Variants in SDCCAG8 observed in about 807,000 individuals in gnomAD.
The protein encoded by SDCCAG8 is serologically defined colon cancer antigen 8.
Under a neutral mutation model 101.8 loss-of-function variants are expected in SDCCAG8, and 74 were observed. The observed-to-expected ratio is 0.73, with a 90% CI of 0.60 to 0.88. SDCCAG8 has a LOEUF of 0.88. SDCCAG8 is among the 40% of genes least tolerant of loss of function. SDCCAG8 has a pLI of 0.00. For synonymous variants in SDCCAG8, 281 were observed against 292.9 expected (o/e 0.96, Z 0.41); for missense variants, 787 against 822.6 (o/e 0.96, Z 0.53).
intron 13 of SDCCAG8, among the ~76,000 whole-genome samples, chr1:243,380,525 T>A (rs2077875610): frequency 6.6e-6 from 1 of 152,168 alleles, no homozygotes; most frequent in Non-Finnish European, 1.5e-5. Flanking sequence ...TCAAAGTCCG[T>A]AGAGAGTTTT....
chr1:243,465,722 G>T (rs559207878), intron 16 of SDCCAG8, among the ~76,000 whole-genome samples: 1 of 152,210 alleles, frequency 6.6e-6, no homozygotes, highest in South Asian at 2.1e-4. Flanking sequence ...ACAGAGCTTT[G>T]TCTGGGTTTT....
chr1:243,463,031 T>C (rs1295202583), intron 16 of SDCCAG8, among the ~76,000 whole-genome samples: 1 of 152,260 alleles, frequency 6.6e-6, no homozygotes, highest in East Asian at 1.9e-4. Flanking sequence ...CCCTGTGACA[T>C]CTGATCCAGG....
At position 243,302,339 on chromosome 1, in the gene SDCCAG8, C is replaced by T. The variant is rs537095211; in HGVS notation, c.676-2374C>T. 4.3e-5 allele frequency among the ~76,000 whole-genome samples: 6 copies of T among 139,396 alleles called. No homozygotes were observed. In the East Asian group the frequency reaches 6.1e-4, roughly 14 times the overall value. 91.4% of individuals were successfully genotyped at this position (139,396 alleles called of 152,430 possible). A position where few individuals can be genotyped will look rare whatever the true frequency, so the allele number is the denominator to read the frequency against. On this transcript the variant is annotated intron_variant, in intron 6 of 17. Coordinates refer to ENST00000366541, the MANE Select transcript of SDCCAG8 (RefSeq NM_006642.5). ...TTTTAATGCAGATGTAAGTGCTCTA[C>T]TCTGGGGGAAAAAATGTCACAAAGG... is the stretch of plus-strand genomic sequence containing the variant.
At position 243,458,838 on chromosome 1, in the gene SDCCAG8, A is replaced by G. The variant is rs574835051; in HGVS notation, c.1986-30176A>G. Among the ~76,000 whole-genome samples, 53 of 151,494 alleles carry G rather than the reference A, an allele frequency of 3.5e-4. No homozygotes were observed. The highest frequency in any genetic ancestry group is 1.2e-3 in the African/African-American group (51 of 41,464). Reference sequence around the variant, plus strand: ...CTCTAAACGGCATTCCTGCCACTAAACTGCCACTGTTTTCCTACAAGGGAC... The same window carrying G: ...CTCTAAACGGCATTCCTGCCACTAAGCTGCCACTGTTTTCCTACAAGGGAC... On this transcript the variant is annotated intron_variant, in intron 16 of 17. Transcript: ENST00000366541. The surrounding 1 kb of genome is among the most constrained non-coding windows in gnomAD (Gnocchi z 4.5).
chr1:243,453,422 A>G (rs777029804), intron 16 of SDCCAG8, among the ~76,000 whole-genome samples: 10 of 152,168 alleles, frequency 6.6e-5, no homozygotes, highest in Non-Finnish European at 1.3e-4. Context: ...TTCATTTAAT[A>G]TGGTTCATTT....
intron 16 of SDCCAG8, among the ~76,000 whole-genome samples, chr1:243,478,602 A>T (rs1662868768): frequency 6.6e-6 from 1 of 152,162 alleles, no homozygotes; most frequent in Non-Finnish European, 1.5e-5. Flanking sequence ...GATCCTCAGG[A>T]AGAATTCCTT....
At chr1:243,445,444 T>C (rs1171693127) in intron 16 of SDCCAG8, among the ~76,000 whole-genome samples, 1 of 152,204 alleles carries the variant, frequency 6.6e-6, no homozygotes, top group African/African-American at 2.4e-5. Context: ...CTAGTACTAA[T>C]GATGAAAAGG....
intron 16 of SDCCAG8, chr1:243,476,491 C>G (rs1381908953): frequency 4.5e-6 from 2 of 443,922 alleles, no homozygotes; most frequent in Admixed American, 6.4e-5. Context: ...GAAGACCTCA[C>G]CACAGTGTGG....
intron 16 of SDCCAG8, among the ~76,000 whole-genome samples, chr1:243,435,509 G>A (rs75551888): frequency 0.039 from 5,963 of 152,220 alleles, 176 homozygotes; most frequent in South Asian, 0.12. Flanking sequence ...TCTGGATTCT[G>A]GGATTGCAGC....
rs191573262 is a variant in SDCCAG8, at chr1:243,335,200, T to C, written c.1221+4508T>C. 2.6e-5 allele frequency among the ~76,000 whole-genome samples: 4 copies of C among 152,308 alleles called. No homozygotes were observed. The East Asian group carries it at 5.8e-4, about 22-fold the overall frequency. Reference sequence around the variant, plus strand: ...AGAACTGATTGTCTGCAAGAGATCATGGAAGGCTTTGGGGAAAAAATGGCA... The same window carrying C: ...AGAACTGATTGTCTGCAAGAGATCACGGAAGGCTTTGGGGAAAAAATGGCA... On this transcript the variant is annotated intron_variant, in intron 10 of 17. Transcript: ENST00000366541.
chr1:243,276,788 A>G (rs1309455565), intron 4 of SDCCAG8, among the ~76,000 whole-genome samples: 1 of 152,168 alleles, frequency 6.6e-6, no homozygotes, highest in African/African-American at 2.4e-5. Flanking sequence ...CGCTTCACTT[A>G]TTCATCCCTC....
intron 13 of SDCCAG8, among the ~76,000 whole-genome samples, chr1:243,403,485 T>TTA (rs1187348474): frequency 6.6e-6 from 1 of 152,204 alleles, no homozygotes; most frequent in Non-Finnish European, 1.5e-5. Flanking sequence ...TAACAGTATT[T>TTA]TATATGTAAT....
Position 243,399,210 on chromosome 1 carries a change from C to T in SDCCAG8, c.1617-16492C>T, listed in dbSNP as rs542215807. On this transcript the variant is annotated intron_variant, in intron 13 of 17. Transcript: ENST00000366541. Reference sequence around the variant, plus strand: ...AGCTAAGTGATTTTCCTAATACCAACGGTGGTTGAGTGACAGCAAAAAGTA... The same window carrying T: ...AGCTAAGTGATTTTCCTAATACCAATGGTGGTTGAGTGACAGCAAAAAGTA... Among the ~76,000 whole-genome samples the T allele has an allele frequency of 5.3e-5, 8 of 152,278 alleles. No homozygotes were observed. The South Asian group carries it at 1.2e-3, about 24-fold the overall frequency.
At chr1:243,389,134 G>A (rs374124712) in intron 13 of SDCCAG8, among the ~76,000 whole-genome samples, 12 of 150,856 alleles carry the variant, frequency 8.0e-5, no homozygotes, top group East Asian at 1.9e-4. Context: ...GCGACAGAGC[G>A]AGACTCTGTC....
chr1:243,316,956 T>C lies in SDCCAG8; in HGVS notation c.1068+63T>C, dbSNP rs899970728. The C allele has an allele frequency of 1.8e-5, 28 of 1,521,546 alleles. No homozygotes were observed. The African/African-American group carries it at 2.9e-4, about 16-fold the overall frequency. 94.3% of individuals were successfully genotyped at this position (1,521,546 alleles called of 1,614,324 possible). Reference sequence around the variant, plus strand: ...TTTTTTTTCTTTTTTCTTCTGAGTATTTATTTGGTTATTCTTCTATAACTA... The same window carrying C: ...TTTTTTTTCTTTTTTCTTCTGAGTACTTATTTGGTTATTCTTCTATAACTA... On this transcript the variant is annotated intron_variant, in intron 9 of 17. Transcript: ENST00000366541.
intron 13 of SDCCAG8, among the ~76,000 whole-genome samples, chr1:243,402,460 AATTT>A (rs1429949531): frequency 6.6e-6 from 1 of 152,064 alleles, no homozygotes; most frequent in African/African-American, 2.4e-5. Flanking sequence ...TTAATAACAT[AATTT>A]ATTTAACCCA....
chr1:243,390,190 A>G (rs61833950), intron 13 of SDCCAG8, among the ~76,000 whole-genome samples: 1 of 152,198 alleles, frequency 6.6e-6, no homozygotes, highest in Non-Finnish European at 1.5e-5. Context: ...TTTAGCCTAA[A>G]GTTTCCATTT....
intron 1 of SDCCAG8, 136 bp from the exon 2 acceptor site, chr1:243,269,969 A>G (rs1384253108): frequency 1.2e-5 from 14 of 1,212,092 alleles, no homozygotes; most frequent in Middle Eastern, 5.3e-4. Flanking sequence ...TCAGCAAGCT[A>G]GAAACAGAAC....
At chr1:243,265,217 T>C (rs1429976750) in intron 1 of SDCCAG8, among the ~76,000 whole-genome samples, 2 of 152,216 alleles carry the variant, frequency 1.3e-5, no homozygotes, top group Non-Finnish European at 2.9e-5. Context: ...ACTTAGCATG[T>C]TTTGAAATGT....
Sources: gnomAD v4.1 joint callset for allele counts (sites outside exome capture counted in the v4.1 genomes callset) on GRCh38, gnomAD v4.1.1 for gene constraint, Gnocchi (gnomAD v3.1) non-coding constraint, MANE v1.5 for transcripts, NCBI Gene and HGNC (gene_info 2026-07-23, HGNC 2026-07-21) for gene names.